TFAP2B: variants seen among roughly 807,000 people sequenced by gnomAD.
TFAP2B encodes the protein transcription factor AP-2-beta.
In TFAP2B, 9 loss-of-function variants were observed where a neutral mutation model predicts 44.3. That is an observed-to-expected ratio of 0.20 (90% CI 0.12 to 0.35). The LOEUF is 0.35. TFAP2B is among the 10% of genes least tolerant of loss of function. TFAP2B has a pLI of 1.00. For synonymous variants in TFAP2B, 270 were observed against 263.8 expected (o/e 1.02, Z -0.23); for missense variants, 509 against 600.0 (o/e 0.85, Z 1.59).
chr6:50,827,781 T>C (rs1770567813), intron 2 of TFAP2B, among the ~76,000 whole-genome samples: 1 of 152,258 alleles, frequency 6.6e-6, no homozygotes, highest in South Asian at 2.1e-4. Flanking sequence ...ATTCTGACAG[T>C]AAGAAACTTG....
chr6:50,839,662 T>C (rs1166141918), intron 5 of TFAP2B, among the ~76,000 whole-genome samples: 1 of 152,348 alleles, frequency 6.6e-6, no homozygotes. Flanking sequence ...AAATACTCTT[T>C]CCATATACAT....
chr6:50,846,015 A>G lies in TFAP2B; in HGVS notation c.*2623A>G, dbSNP rs1762842173. 1 of 152,588 alleles carries G rather than the reference A, an allele frequency of 6.6e-6. No individual in the cohort carries two copies. 9.5% of individuals were successfully genotyped at this position (152,588 alleles called of 1,614,324 possible). On this transcript the variant is annotated 3_prime_UTR_variant, in exon 7 of 7. Transcript: ENST00000393655. ...CCTGGAGGGAGAGTGGCCTAGAAAT[A>G]TCCAAGGAATCCGAAGCTTCCCCTC...
At chr6:50,822,600 T>C (rs1426220308) in intron 1 of TFAP2B, among the ~76,000 whole-genome samples, 1 of 151,950 alleles carries the variant, frequency 6.6e-6, no homozygotes, top group African/African-American at 2.4e-5. Context: ...GGCTTTTATT[T>C]CCCCCCACCC....
chr6:50,822,698 ACT>A, intron 1 of TFAP2B, among the ~76,000 whole-genome samples: 1 of 152,154 alleles, frequency 6.6e-6, no homozygotes. Context: ...ATGAACCACA[ACT>A]CAACTTAATT....
At position 50,843,970 on chromosome 6, in the gene TFAP2B, G is replaced by A. The variant is rs1762788318; in HGVS notation, c.*578G>A. On this transcript the variant is annotated 3_prime_UTR_variant, in exon 7 of 7. Transcript: ENST00000393655. Reference sequence around the variant, plus strand: ...GAAAATGAGTGTGGTTGGCCCTTTTGCGTTGTTTCAGTCCTCTCGGTACCT... The same window carrying A: ...GAAAATGAGTGTGGTTGGCCCTTTTACGTTGTTTCAGTCCTCTCGGTACCT... 6.5e-6 allele frequency: 1 copy of A among 153,648 alleles called. No individual in the cohort carries two copies. The highest frequency in any genetic ancestry group is 1.4e-5 in the Non-Finnish European group (1 of 69,288). The allele number at this position is 153,648 out of a possible 1,614,324, so 9.5% of individuals were successfully genotyped here. A position where few individuals can be genotyped will look rare whatever the true frequency, so the allele number is the denominator to read the frequency against.
intron 1 of TFAP2B, 108 bp downstream of exon 1, chr6:50,819,080 G>A: frequency 3.4e-6 from 4 of 1,171,844 alleles, no homozygotes; most frequent in Non-Finnish European, 2.5e-6. Flanking sequence ...GTAGATTTCC[G>A]GTCGGTTTTC....
At chr6:50,822,145 C>T (rs1770370224) in intron 1 of TFAP2B, 2 of 1,303,932 alleles carry the variant, frequency 1.5e-6, no homozygotes, top group South Asian at 2.5e-5. Flanking sequence ...TGTTAGTCCA[C>T]ACCTATTCAT....
In TFAP2B at chr6:50,818,930, C is replaced by T; in HGVS notation, c.39C>T (p.Leu13=). The part of the protein sequence containing the change: ...SPPRDQAAIM[L]WKLVENVKYE... ...CTAGAGACCAGGCTGCCATCATGCT[C>T]TGGAAGCTTGTGGAGAATGTCAAGT... The change falls in exon 1 of 7, where the codon CTC becomes CTT. Residue 13 remains leucine, a synonymous_variant. Transcript: ENST00000393655. 1 of 1,614,098 alleles carries T rather than the reference C, an allele frequency of 6.2e-7. No individual in the cohort carries two copies. The highest frequency in any genetic ancestry group is 8.5e-7 in the Non-Finnish European group (1 of 1,180,028).
chr6:50,819,739 C>A (rs1770270696), intron 1 of TFAP2B, among the ~76,000 whole-genome samples: 1 of 152,210 alleles, frequency 6.6e-6, no homozygotes, highest in African/African-American at 2.4e-5. Flanking sequence ...GGGCCCGGAC[C>A]GCGCTCGCCA....
At chr6:50,825,659 T>A (rs1046153606) in intron 2 of TFAP2B, among the ~76,000 whole-genome samples, 2 of 152,146 alleles carry the variant, frequency 1.3e-5, no homozygotes, top group Admixed American at 1.3e-4. Context: ...ATTTAGTGTT[T>A]ATGTGAACGG....
chr6:50,821,593 C>G (rs536982384), intron 1 of TFAP2B, among the ~76,000 whole-genome samples: 1 of 152,236 alleles, frequency 6.6e-6, no homozygotes, highest in South Asian at 2.1e-4. Context: ...TGAAGTTCTG[C>G]CTCTTTCCTG....
At chr6:50,842,693 A>G (rs1351026990) in intron 6 of TFAP2B, among the ~76,000 whole-genome samples, 1 of 152,202 alleles carries the variant, frequency 6.6e-6, no homozygotes, top group Admixed American at 6.5e-5. Flanking sequence ...CCTGATCACC[A>G]AGAGGTTGGA....
intron 4 of TFAP2B, among the ~76,000 whole-genome samples, chr6:50,836,566 G>A (rs913861724): frequency 6.6e-6 from 1 of 152,206 alleles, no homozygotes; most frequent in Non-Finnish European, 1.5e-5. Context: ...TCACTTTCCT[G>A]GCCCTGCGCC....
In TFAP2B at chr6:50,844,683, A is replaced by G. The variant is rs1174348796; in HGVS notation, c.*1291A>G. 6.5e-6 allele frequency: 1 copy of G among 152,684 alleles called. No individual in the cohort carries two copies. Among genetic ancestry groups the G allele is most frequent in the African/African-American group, 2.4e-5 (1 of 41,464 alleles). The allele number at this position is 152,684 out of a possible 1,614,324, so 9.5% of individuals were successfully genotyped here. On this transcript the variant is annotated 3_prime_UTR_variant, in exon 7 of 7. Coordinates refer to ENST00000393655, the MANE Select transcript of TFAP2B (RefSeq NM_003221.4). ...TTAAGGGAAAAGAGTAAGGATTCTT[A>G]GAGCCCTATATTCTAATAGTATTGC...
chr6:50,826,202 G>A (rs1217041360), intron 2 of TFAP2B, among the ~76,000 whole-genome samples: 1 of 152,158 alleles, frequency 6.6e-6, no homozygotes, highest in Non-Finnish European at 1.5e-5. Flanking sequence ...GCCTGCACTG[G>A]TCCAGTCTTT....
Position 50,845,738 on chromosome 6 carries a change from G to A in TFAP2B, c.*2346G>A, listed in dbSNP as rs1314890309. On this transcript the variant is annotated 3_prime_UTR_variant, in exon 7 of 7. Transcript: ENST00000393655. ...CACGCGTGTGACGTGCGAGAGACGC[G>A]ATGGACGCGCCTTGCTCTTACTGTG... 6.5e-6 allele frequency: 1 copy of A among 152,790 alleles called. No individual in the cohort carries two copies. The highest frequency in any genetic ancestry group is 1.5e-5 in the Non-Finnish European group (1 of 68,134). 9.5% of individuals were successfully genotyped at this position (152,790 alleles called of 1,614,324 possible). A position where few individuals can be genotyped will look rare whatever the true frequency, so the allele number is the denominator to read the frequency against.
intron 6 of TFAP2B, among the ~76,000 whole-genome samples, chr6:50,842,181 C>T (rs1369838643): frequency 6.6e-6 from 1 of 152,206 alleles, no homozygotes; most frequent in Admixed American, 6.5e-5. Context: ...AAGCTGTGGC[C>T]TTTGGGATGC....
intron 2 of TFAP2B, among the ~76,000 whole-genome samples, chr6:50,824,278 G>A (rs138312891): frequency 0.01 from 1,528 of 152,288 alleles, 8 homozygotes; most frequent in Non-Finnish European, 0.016. Flanking sequence ...TGCTGACTTG[G>A]CAGGTGAAGA....
chr6:50,838,978 T>C (rs1262753932), intron 5 of TFAP2B, among the ~76,000 whole-genome samples: 1 of 152,170 alleles, frequency 6.6e-6, no homozygotes, highest in Non-Finnish European at 1.5e-5. Flanking sequence ...TATTAAAATA[T>C]TTAGGCAGCA....
Sources: gnomAD v4.1 joint callset for allele counts (sites outside exome capture counted in the v4.1 genomes callset) on GRCh38, gnomAD v4.1.1 for gene constraint, MANE v1.5 for transcripts, NCBI Gene and HGNC (gene_info 2026-07-23, HGNC 2026-07-21) for gene names.